Variants in AGMO observed in about 807,000 individuals in gnomAD.
AGMO encodes alkylglycerol monooxygenase.
AGMO carries 75 observed loss-of-function variants against 60.2 expected under a neutral mutation model. That is an observed-to-expected ratio of 1.25 (90% CI 1.03 to 1.51). The LOEUF is 1.51. Among genes scored for constraint, AGMO ranks in the 40% most tolerant of loss-of-function variants. The probability of loss-of-function intolerance (pLI) is 0.00; values close to 1 mark genes in which losing one functional copy is unlikely to be tolerated. For missense variants in AGMO, 763 were observed against 525.5 expected (o/e 1.45, Z -4.42); for synonymous variants, 261 against 177.1 (o/e 1.47, Z -3.76).
At chr7:15,355,216 A>G (rs1394539123) in intron 12 of AGMO, among the ~76,000 whole-genome samples, 1 of 152,132 alleles carries the variant, frequency 6.6e-6, no homozygotes, top group Non-Finnish European at 1.5e-5. Flanking sequence ...AAAGAAGCCA[A>G]TATTGGCTGG....
Position 15,561,805 on chromosome 7 carries a change from T to C in AGMO, c.41A>G (p.Gln14Arg), listed in dbSNP as rs745663329. Residue 14 changes from glutamine (Q) to arginine (R), a missense_variant, in exon 1 of 13, where the codon CAG becomes CGG. Transcript: ENST00000342526. Reference sequence around the variant, plus strand: ...CGTGTAAAACAACATGCGAAATCCCTGGGAAACTGAAACATCCTGCTGGGC... The same window carrying C: ...CGTGTAAAACAACATGCGAAATCCCCGGGAAACTGAAACATCCTGCTGGGC... ...PEAQQDVSVS[Q>R]GFRMLFYTMK... 1.2e-6 allele frequency: 2 copies of C among 1,610,238 alleles called. No individual in the cohort carries two copies. The highest frequency in any genetic ancestry group is 1.7e-5 in the Admixed American group (1 of 59,772).
At chr7:15,554,997 T>C (rs1354125849) in intron 2 of AGMO, among the ~76,000 whole-genome samples, 1 of 151,884 alleles carries the variant, frequency 6.6e-6, no homozygotes, top group African/African-American at 2.4e-5. Context: ...TTTGGTGTAA[T>C]ACTGTCGTTG....
At chr7:15,410,308 A>G (rs571777649) in intron 5 of AGMO, among the ~76,000 whole-genome samples, 4 of 151,978 alleles carry the variant, frequency 2.6e-5, no homozygotes, top group African/African-American at 9.6e-5. Flanking sequence ...GTGGACCACA[A>G]TAATTGAAAT....
In AGMO at chr7:15,459,732, T is replaced by G. The variant is rs76661940; in HGVS notation, c.410-28624A>C. 8.2e-3 allele frequency among the ~76,000 whole-genome samples: 1,240 copies of G among 152,078 alleles called. 10 individuals carry two copies. The highest frequency in any genetic ancestry group is 0.014 in the Non-Finnish European group (984 of 67,976). On this transcript the variant is annotated intron_variant, in intron 3 of 12. Coordinates refer to ENST00000342526, the MANE Select transcript of AGMO (RefSeq NM_001004320.2). ...AAAACAGTTATTTTTTAAAACTGCATGGACTGTATTTGACTCAGTTTAAAC... is the reference window on the plus strand; with the variant it reads ...AAAACAGTTATTTTTTAAAACTGCAGGGACTGTATTTGACTCAGTTTAAAC...
chr7:15,386,414 TTTGAG>T (rs1428842167), intron 9 of AGMO, among the ~76,000 whole-genome samples: 12 of 152,286 alleles, frequency 7.9e-5, no homozygotes, highest in East Asian at 3.9e-4. Context: ...CTGTACTCAC[TTTGAG>T]TTATCTATTG....
chr7:15,469,342 C>T (rs1782377426), intron 3 of AGMO, among the ~76,000 whole-genome samples: 3 of 152,036 alleles, frequency 2.0e-5, no homozygotes, highest in Non-Finnish European at 4.4e-5. Context: ...AAAATTTTAT[C>T]TATAATATCT....
downstream of AGMO, among the ~76,000 whole-genome samples, chr7:15,198,183 T>C (rs1239671876): frequency 1.4e-5 from 2 of 144,578 alleles, no homozygotes; most frequent in African/African-American, 5.1e-5. Flanking sequence ...GAGTCCTATT[T>C]TTAGGGCTTT....
intron 2 of AGMO, among the ~76,000 whole-genome samples, chr7:15,546,933 A>C (rs948707019): frequency 4.6e-5 from 7 of 152,176 alleles, no homozygotes; most frequent in Admixed American, 2.6e-4. Context: ...TGAAACTATG[A>C]AATCTTAAAA....
chr7:15,438,006 G>T (rs1199125122), intron 3 of AGMO, among the ~76,000 whole-genome samples: 1 of 151,932 alleles, frequency 6.6e-6, no homozygotes, highest in Non-Finnish European at 1.5e-5. Context: ...TTCGTGTTCA[G>T]ATGGAAGCTT....
chr7:15,368,834 TAACTCTTTACCA>T lies in AGMO; in HGVS notation c.1075-2624_1075-2613del, dbSNP rs568989987. ...ATCTATGATCCCTGGACAATACAAA[TAACTCTTTACCA>T]AACTGCATCCTGACTACTGGACTCA... On this transcript the variant is annotated intron_variant, in intron 10 of 12. Transcript: ENST00000342526. Among the ~76,000 whole-genome samples, 1,092 of 152,188 alleles carry T rather than the reference TAACTCTTTACCA, an allele frequency of 7.2e-3. 10 individuals carry two copies. Among genetic ancestry groups the T allele is most frequent in the Non-Finnish European group, 8.9e-3 (603 of 67,994 alleles).
At chr7:15,276,876 T>A (rs1053393683) in intron 12 of AGMO, among the ~76,000 whole-genome samples, 1 of 142,650 alleles carries the variant, frequency 7.0e-6, no homozygotes, top group Non-Finnish European at 1.5e-5. Flanking sequence ...TTTCCAGAAC[T>A]CTGTGCCATT....
At chr7:15,431,177 A>T in intron 3 of AGMO, 69 bp from the exon 4 acceptor site, 1 of 1,087,056 alleles carries the variant, frequency 9.2e-7, no homozygotes. Context: ...TCAGTTATGC[A>T]TGCTGCTCTG....
intron 12 of AGMO, among the ~76,000 whole-genome samples, chr7:15,324,236 T>C (rs1781269022): frequency 6.6e-6 from 1 of 152,058 alleles, no homozygotes; most frequent in Admixed American, 6.6e-5. Context: ...ATAATAATGG[T>C]GTGTGCCATA....
chr7:15,450,106 G>A (rs1238126793), intron 3 of AGMO, among the ~76,000 whole-genome samples: 1 of 152,070 alleles, frequency 6.6e-6, no homozygotes, highest in Non-Finnish European at 1.5e-5. Context: ...GTAATTGATT[G>A]CATCAACTAA....
chr7:15,490,199 G>A (rs17168787), intron 3 of AGMO, among the ~76,000 whole-genome samples: 4,113 of 152,212 alleles, frequency 0.027, 157 homozygotes, highest in African/African-American at 0.087. Context: ...CATTTTTAGC[G>A]ACTCAATATT....
At chr7:15,269,848 G>C (rs1237532844) in intron 12 of AGMO, among the ~76,000 whole-genome samples, 1 of 151,986 alleles carries the variant, frequency 6.6e-6, no homozygotes, top group Non-Finnish European at 1.5e-5. Flanking sequence ...ACTTATAAAT[G>C]AGAACATGTG....
intron 12 of AGMO, among the ~76,000 whole-genome samples, chr7:15,209,140 C>A (rs1781511957): frequency 6.6e-6 from 1 of 152,256 alleles, no homozygotes; most frequent in East Asian, 1.9e-4. Context: ...CACAGCCCAC[C>A]GATTTTCAGT....
the AGMO span, among the ~76,000 whole-genome samples, chr7:15,151,370 G>C: frequency 6.6e-6 from 1 of 151,698 alleles, no homozygotes; most frequent in African/African-American, 2.4e-5. Flanking sequence ...CTAGCTTTGG[G>C]GTTGGTTTGC....
At chr7:15,441,419 A>T (rs1781550614) in intron 3 of AGMO, among the ~76,000 whole-genome samples, 1 of 152,212 alleles carries the variant, frequency 6.6e-6, no homozygotes, top group African/African-American at 2.4e-5. Flanking sequence ...ACTAACATTA[A>T]CACCGTGAGT....
Sources: allele counts gnomAD v4.1 joint callset (sites outside exome capture counted in the v4.1 genomes callset), GRCh38; gene constraint gnomAD v4.1.1; transcripts MANE v1.5; gene names NCBI Gene and HGNC (gene_info 2026-07-23, HGNC 2026-07-21).